The following FOXN4 variants were observed in gnomAD, a reference collection of about 807,000 sequenced individuals.
FOXN4 encodes the protein forkhead box protein N4.
FOXN4 carries 12 observed loss-of-function variants against 45.0 expected under a neutral mutation model. The observed-to-expected ratio is 0.27, with a 90% CI of 0.17 to 0.43. The LOEUF (loss-of-function observed/expected upper bound fraction) is 0.43, where lower values mean the gene tolerates loss of function less well. Ranked by LOEUF, FOXN4 falls within the 20% of genes least tolerant of loss-of-function variation. FOXN4 has a pLI of 1.00. For synonymous variants in FOXN4, 297 were observed against 295.0 expected (o/e 1.01, Z -0.07); for missense variants, 560 against 694.9 (o/e 0.81, Z 2.18).
intron 9 of FOXN4, 31 bp downstream of exon 9, chr12:109,281,376 C>T (rs755868299): frequency 1.2e-6 from 2 of 1,609,332 alleles, no homozygotes; most frequent in African/African-American, 2.7e-5. Context: ...CTCCCCATTC[C>T]ATTCCCATCA....
chr12:109,282,341 G>A (rs2047660804), intron 8 of FOXN4, among the ~76,000 whole-genome samples: 1 of 152,106 alleles, frequency 6.6e-6, no homozygotes. Context: ...CCAGCTACTT[G>A]GGAGGCTGAG....
rs764835470 is a variant in FOXN4, at chr12:109,279,752, C to T, written c.1473G>A (p.Pro491=). 41 of 1,590,332 alleles carry T rather than the reference C, an allele frequency of 2.6e-5. No homozygotes were observed. The highest frequency in any genetic ancestry group is 1.1e-4 in the Admixed American group (6 of 55,812). ...VTGLYTAYST[P]DSVAASGTSS... Reference sequence around the variant, plus strand: ...TGGTGCCCGATGCAGCCACACTGTCCGGAGTGGAGTACGCTGTGTAGAGAC... The same window carrying T: ...TGGTGCCCGATGCAGCCACACTGTCTGGAGTGGAGTACGCTGTGTAGAGAC... The change falls in exon 10 of 10, where the codon CCG becomes CCA. Residue 491 remains proline, a synonymous_variant. Coordinates refer to ENST00000299162, the MANE Select transcript of FOXN4 (RefSeq NM_213596.3).
At chr12:109,284,884 G>A (rs1273504213) in intron 8 of FOXN4, among the ~76,000 whole-genome samples, 1 of 134,684 alleles carries the variant, frequency 7.4e-6, no homozygotes, top group African/African-American at 3.0e-5. Context: ...GTGTGTGCAC[G>A]CATGTGTGTA....
chr12:109,295,800 G>T (rs888810918), intron 2 of FOXN4, among the ~76,000 whole-genome samples: 1 of 152,046 alleles, frequency 6.6e-6, no homozygotes, highest in Non-Finnish European at 1.5e-5. Context: ...AGAAAAAGAA[G>T]ACCCAACTCC....
chr12:109,281,620 G>A lies in FOXN4; in HGVS notation c.1081C>T (p.Leu361=). Residue 361 remains leucine (L), a synonymous_variant, in exon 9 of 10, where the codon CTG becomes TTG. Transcript: ENST00000299162. The part of the protein sequence containing the change: ...LMTLSLQSVP[L]HHQVQPQAHL... ...GCCTGGGGCTGGACCTGGTGGTGCA[G>A]GGGGACTGACTGCAGGGACAGGGTC... 1 of 1,610,136 alleles carries A rather than the reference G, an allele frequency of 6.2e-7. No homozygotes were observed. Among genetic ancestry groups the A allele is most frequent in the Non-Finnish European group, 8.5e-7 (1 of 1,178,344 alleles).
chr12:109,287,382 C>T lies in FOXN4; in HGVS notation c.596+15G>A. 1 of 1,551,368 alleles carries T rather than the reference C, an allele frequency of 6.4e-7. No individual in the cohort carries two copies. The highest frequency in any genetic ancestry group is 8.7e-7 in the Non-Finnish European group (1 of 1,146,810). ...AGCCGCCCTTGGCCCTGACCCGGCC[C>T]ACCCTGGACCTCACCTGTACGAGTA... On this transcript the variant is annotated intron_variant, in intron 6 of 9. Transcript: ENST00000299162. This position sits in a 1 kb window ranked among gnomAD's most constrained non-coding sequence, Gnocchi z 4.1.
At chr12:109,283,390 G>C (rs1384410523) in intron 8 of FOXN4, among the ~76,000 whole-genome samples, 1 of 151,812 alleles carries the variant, frequency 6.6e-6, no homozygotes, top group East Asian at 1.9e-4. Flanking sequence ...GGAGGGAAGT[G>C]AATATGGATA....
Position 109,302,598 on chromosome 12 carries a change from A to C in FOXN4, c.86+5638T>G, listed in dbSNP as rs144756192. On this transcript the variant is annotated intron_variant, in intron 2 of 9. Transcript: ENST00000299162. ...CTCACCACAGGGGGCAGATGTGAGG[A>C]TAAGATCAGGTAACCTCTAAGACAA... Among the ~76,000 whole-genome samples the C allele has an allele frequency of 3.6e-3, 554 of 152,350 alleles. 6 individuals are homozygous for C. The highest frequency in any genetic ancestry group is 0.013 in the African/African-American group (521 of 41,580).
intron 1 of FOXN4, among the ~76,000 whole-genome samples, chr12:109,308,555 G>T (rs1593792712): frequency 6.6e-6 from 1 of 152,102 alleles, no homozygotes; most frequent in African/African-American, 2.4e-5. Flanking sequence ...TGAAATTCCC[G>T]GTTCTTTCGA....
chr12:109,281,290 A>T, intron 9 of FOXN4, 117 bp downstream of exon 9: 1 of 1,369,214 alleles, frequency 7.3e-7, no homozygotes, highest in Non-Finnish European at 1.0e-6. Context: ...GGTTGTTGCT[A>T]TGGGAACAAG....
intron 6 of FOXN4, 123 bp from the exon 7 acceptor site, chr12:109,286,867 C>T: frequency 6.9e-7 from 1 of 1,448,562 alleles, no homozygotes; most frequent in Non-Finnish European, 9.0e-7. Context: ...TGACCCTAAA[C>T]ACTCACACAC....
At chr12:109,304,301 A>G (rs1395085509) in intron 2 of FOXN4, among the ~76,000 whole-genome samples, 2 of 151,282 alleles carry the variant, frequency 1.3e-5, no homozygotes, top group African/African-American at 2.4e-5. Context: ...GAAAGGAGAA[A>G]GAAAGAAGGA....
intron 2 of FOXN4, among the ~76,000 whole-genome samples, chr12:109,303,365 G>A (rs1032440956): frequency 9.8e-5 from 15 of 152,358 alleles, no homozygotes; most frequent in Admixed American, 7.2e-4. Flanking sequence ...ATCCCCACAC[G>A]CAGTGTGGGT....
At chr12:109,294,949 C>T (rs1157962643) in intron 2 of FOXN4, among the ~76,000 whole-genome samples, 3 of 152,174 alleles carry the variant, frequency 2.0e-5, no homozygotes, top group Non-Finnish European at 4.4e-5. Flanking sequence ...AACTACAGGG[C>T]TCACAGCAGC....
At chr12:109,296,618 C>T (rs1344724390) in intron 2 of FOXN4, among the ~76,000 whole-genome samples, 1 of 152,186 alleles carries the variant, frequency 6.6e-6, no homozygotes, top group South Asian at 2.1e-4. Context: ...GAGACCAGGA[C>T]AGGACAGGGG....
intron 2 of FOXN4, among the ~76,000 whole-genome samples, chr12:109,297,883 C>T (rs2047832067): frequency 6.6e-6 from 1 of 152,136 alleles, no homozygotes; most frequent in African/African-American, 2.4e-5. Context: ...GATTTGGTTC[C>T]TTGGCCCATC....
At chr12:109,304,449 CCT>C (rs1034750191) in intron 2 of FOXN4, among the ~76,000 whole-genome samples, 3 of 152,136 alleles carry the variant, frequency 2.0e-5, no homozygotes, top group Non-Finnish European at 4.4e-5. Context: ...CCTCCCACCC[CCT>C]GAGCTAGAGA....
In FOXN4 at chr12:109,281,455, T is replaced by C. The variant is rs1319853135; in HGVS notation, c.1246A>G (p.Thr416Ala). 13 of 1,613,842 alleles carry C rather than the reference T, an allele frequency of 8.1e-6. No individual in the cohort carries two copies. Among genetic ancestry groups the C allele is most frequent in the African/African-American group, 1.3e-5 (1 of 74,916 alleles). ...DFINISTDMN[T>A]EVDALDPSIM... The stretch of plus-strand genomic sequence containing the variant: ...CTCGGGTCGAGGGCATCCACCTCAG[T>C]GTTCATGTCGGTGCTGATGTTGATG... The change falls in exon 9 of 10, where the codon ACT (threonine) becomes GCT (alanine). Residue 416 changes from threonine (T) to alanine (A), a missense_variant. By Grantham distance (58) the Thr-to-Ala change is moderately conservative. This residue lies in a region of FOXN4 where 315 missense variants were observed against 350.5 expected (regional missense o/e 0.90). Transcript: ENST00000299162.
At chr12:109,300,809 TG>T (rs2136943177) in intron 2 of FOXN4, among the ~76,000 whole-genome samples, 2 of 152,224 alleles carry the variant, frequency 1.3e-5, no homozygotes, top group Non-Finnish European at 2.9e-5. Flanking sequence ...CTTAGGAGGC[TG>T]AGGCAGGAGG....
Sources: allele counts gnomAD v4.1 joint callset (sites outside exome capture counted in the v4.1 genomes callset), GRCh38; gene constraint gnomAD v4.1.1; regional missense constraint gnomAD v4.1.1; non-coding constraint Gnocchi (gnomAD v3.1); transcripts MANE v1.5; gene names NCBI Gene and HGNC (gene_info 2026-07-23, HGNC 2026-07-21).